MRGPRF: variants seen among roughly 807,000 people sequenced by gnomAD.
MRGPRF encodes MAS related GPR family member F, also known as mas-related G protein-coupled receptor member F.
In MRGPRF, 2 loss-of-function variants were observed where a neutral mutation model predicts 3.3. The observed-to-expected ratio is 0.61, with a 90% confidence interval of 0.25 to 1.92. MRGPRF has a LOEUF of 1.92. Among genes scored for constraint, MRGPRF ranks in the 40% most tolerant of loss-of-function variants. MRGPRF has a pLI of 0.16. For missense variants in MRGPRF, 500 were observed against 476.0 expected (o/e 1.05, Z -0.47); for synonymous variants, 242 against 222.7 (o/e 1.09, Z -0.77).
At chr11:69,006,623 T>G (rs1189792895) in intron 2 of MRGPRF, among the ~76,000 whole-genome samples, 1 of 142,648 alleles carries the variant, frequency 7.0e-6, no homozygotes, top group African/African-American at 2.7e-5. Context: ...CTTTCCCTTT[T>G]TTTTTTTTTT....
At chr11:69,013,434 G>C (rs1860649388), upstream of MRGPRF, 1 of 152,440 alleles carries the variant, frequency 6.6e-6, no homozygotes, top group Non-Finnish European at 1.5e-5. Flanking sequence ...CGTCACGTTG[G>C]CCCGAGCACT....
Position 69,005,593 on chromosome 11 carries a change from G to T in MRGPRF, c.717C>A (p.His239Gln). The T allele has an allele frequency of 6.3e-7, 1 of 1,577,770 alleles. No individual in the cohort carries two copies. Among genetic ancestry groups the T allele is most frequent in the East Asian group, 2.4e-5 (1 of 42,504 alleles). ...RRRQRSAKLN[H>Q]VILAMVSVFL... is the part of the protein sequence containing the mutation. ...AGACGGAGACCATGGCCAGGATGACGTGGTTGAGCTTGGCAGAGCGCTGGC... is the reference window on the plus strand; with the variant it reads ...AGACGGAGACCATGGCCAGGATGACTTGGTTGAGCTTGGCAGAGCGCTGGC... The change falls in exon 3 of 3, where the codon CAC (histidine) becomes CAA (glutamine). Residue 239 changes from histidine (H) to glutamine (Q), a missense_variant. Physicochemically the swap from His to Gln is conservative, Grantham distance 24 (BLOSUM62 0). Coordinates refer to ENST00000309099, the MANE Select transcript of MRGPRF (RefSeq NM_145015.5).
At chr11:69,010,743 C>T (rs1173515214) in intron 1 of MRGPRF, among the ~76,000 whole-genome samples, 2 of 152,094 alleles carry the variant, frequency 1.3e-5, no homozygotes, top group Non-Finnish European at 2.9e-5. Context: ...GAAGCTGCAC[C>T]CACCCTAGGG....
In MRGPRF at chr11:69,006,058, G is replaced by T. The variant is rs1182418684; in HGVS notation, c.252C>A (p.His84Gln). Residue 84 changes from histidine (H) to glutamine (Q), a missense_variant, in exon 3 of 3, where the codon CAC (histidine) becomes CAA (glutamine). By Grantham distance (24) the His-to-Gln change is conservative. Coordinates refer to ENST00000309099, the MANE Select transcript of MRGPRF (RefSeq NM_145015.5). ...KRNPFSIYFL[H>Q]LASADVGYLF... ...GGTAGCCCACATCGGCGCTGGCCAGGTGCAGGAAGTAGATGGAGAAGGGGT... is the reference window on the plus strand; with the variant it reads ...GGTAGCCCACATCGGCGCTGGCCAGTTGCAGGAAGTAGATGGAGAAGGGGT... 1 of 1,596,272 alleles carries T rather than the reference G, an allele frequency of 6.3e-7. No individual in the cohort carries two copies. The highest frequency in any genetic ancestry group is 1.1e-5 in the South Asian group (1 of 88,678).
At chr11:69,006,342 AG>A (rs57545280) in intron 2 of MRGPRF, 81 bp from the exon 3 acceptor site, 821,139 of 1,268,626 alleles carry the variant, frequency 0.65, 255,282 homozygotes, top group Admixed American at 0.76. Context: ...AGCGTGGGGG[AG>A]GGGGGGGGTC....
At chr11:69,007,487 C>T (rs539615016) in intron 2 of MRGPRF, among the ~76,000 whole-genome samples, 1 of 152,302 alleles carries the variant, frequency 6.6e-6, no homozygotes, top group East Asian at 1.9e-4. Context: ...GGATTAGAGG[C>T]GTGAGCCACC....
rs58437286 is a variant in MRGPRF, at chr11:69,006,607, C to G, written c.49-346G>C. ...AACGTCCAAGTCGCACAAAAAACTG[C>G]AGAGCCTTTCCCTTTTTTTTTTTTT... is the stretch of plus-strand genomic sequence containing the variant. On this transcript the variant is annotated intron_variant, in intron 2 of 2. Transcript: ENST00000309099. Among the ~76,000 whole-genome samples the G allele has an allele frequency of 3.6e-3, 529 of 148,614 alleles. 3 individuals carry two copies. Among genetic ancestry groups the G allele is most frequent in the African/African-American group, 0.012 (497 of 40,188 alleles).
chr11:69,010,773 G>A (rs1312669830), intron 1 of MRGPRF, among the ~76,000 whole-genome samples: 3 of 152,080 alleles, frequency 2.0e-5, no homozygotes, highest in Non-Finnish European at 4.4e-5. Flanking sequence ...GGAGGCCTGG[G>A]GTAGGGGGTG....
chr11:69,008,591 G>A (rs943899253), intron 2 of MRGPRF, among the ~76,000 whole-genome samples: 9 of 152,192 alleles, frequency 5.9e-5, no homozygotes, highest in Non-Finnish European at 1.0e-4. Flanking sequence ...TGAGGTCAGG[G>A]CAAGCACTGT....
Position 69,005,279 on chromosome 11 carries a change from C to T in MRGPRF, c.1031G>A (p.Ter344=). 3 of 1,490,532 alleles carry T rather than the reference C, an allele frequency of 2.0e-6. No individual in the cohort carries two copies. The highest frequency in any genetic ancestry group is 2.7e-6 in the Non-Finnish European group (3 of 1,124,854). The allele number at this position is 1,490,532 out of a possible 1,614,324, so 92.3% of individuals were successfully genotyped here. ...EMQCPPGNAS[*] The stretch of plus-strand genomic sequence containing the variant: ...CTGCCTCCTCCAGGCGCTGGAGTCT[C>T]AGGAGGCGTTCCCCGGGGGACACTG... Residue 344 remains the stop codon, a stop_retained_variant, in exon 3 of 3, where the codon TGA becomes TAA. Transcript: ENST00000309099.
intron 2 of MRGPRF, chr11:69,009,378 G>A: frequency 2.3e-6 from 1 of 428,882 alleles, no homozygotes; most frequent in Non-Finnish European, 4.1e-6. Flanking sequence ...GGTTGTCAGA[G>A]TCTCAGGGTG....
At chr11:69,012,309 C>G (rs1860614384) in intron 1 of MRGPRF, 2 of 152,112 alleles carry the variant, frequency 1.3e-5, no homozygotes, top group Non-Finnish European at 2.9e-5. Flanking sequence ...CATGACCCAG[C>G]CCCGACGCCG....
Position 69,009,913 on chromosome 11 carries a change from G to T in MRGPRF, c.-12C>A. The stretch of plus-strand genomic sequence containing the variant: ...CAGTTTCCAGCCATCTCCAGGCCTG[G>T]CGCGTCTGGGCCCCTGCTGGCAGCT... On this transcript the variant is annotated 5_prime_UTR_variant, in exon 2 of 3. Coordinates refer to ENST00000309099, the MANE Select transcript of MRGPRF (RefSeq NM_145015.5). 1 of 1,600,802 alleles carries T rather than the reference G, an allele frequency of 6.2e-7. No individual in the cohort carries two copies. Among genetic ancestry groups the T allele is most frequent in the Non-Finnish European group, 8.5e-7 (1 of 1,176,910 alleles).
At chr11:69,009,188 T>C (rs1237078220) in intron 2 of MRGPRF, among the ~76,000 whole-genome samples, 2 of 152,228 alleles carry the variant, frequency 1.3e-5, no homozygotes, top group Non-Finnish European at 2.9e-5. Context: ...ACCCAGGGGC[T>C]GATCCCAGTC....
chr11:69,011,822 G>A (rs1860603358), intron 1 of MRGPRF, among the ~76,000 whole-genome samples: 1 of 152,126 alleles, frequency 6.6e-6, no homozygotes, highest in Non-Finnish European at 1.5e-5. Context: ...CCCTGGCCAG[G>A]CTAGACCCCA....
Position 69,006,184 on chromosome 11 carries a change from C to T in MRGPRF, c.126G>A (p.Pro42=). ...FLTIEQIAML[P]PPAVMNYIFL... is the part of the protein sequence containing the mutation. ...AGATGTAGTTCATGACGGCCGGAGGCGGCAGCATCGCGATCTGCTCGATGG... is the reference window on the plus strand; with the variant it reads ...AGATGTAGTTCATGACGGCCGGAGGTGGCAGCATCGCGATCTGCTCGATGG... The change falls in exon 3 of 3, where the codon CCG becomes CCA. Residue 42 remains proline (P), a synonymous_variant. Coordinates refer to ENST00000309099, the MANE Select transcript of MRGPRF (RefSeq NM_145015.5). 3.1e-6 allele frequency: 5 copies of T among 1,613,890 alleles called. No homozygotes were observed. Among genetic ancestry groups the T allele is most frequent in the Non-Finnish European group, 3.4e-6 (4 of 1,180,038 alleles).
chr11:69,011,048 A>G (rs1860585142), intron 1 of MRGPRF, among the ~76,000 whole-genome samples: 1 of 152,046 alleles, frequency 6.6e-6, no homozygotes, highest in Non-Finnish European at 1.5e-5. Context: ...TCCTCTCCCA[A>G]GGGGAGAGCT....
At chr11:69,008,192 T>A (rs1431229639) in intron 2 of MRGPRF, among the ~76,000 whole-genome samples, 1 of 152,108 alleles carries the variant, frequency 6.6e-6, no homozygotes, top group Non-Finnish European at 1.5e-5. Flanking sequence ...AATGTTAACA[T>A]TTAAACATGC....
rs1860446535 is a variant in MRGPRF at position 69,005,292 on chromosome 11, C to T, written c.1018G>A (p.Gly340Arg). ...TVTMEMQCPP[G>R]NAS Reference sequence around the variant, plus strand: ...GCGCTGGAGTCTCAGGAGGCGTTCCCCGGGGGACACTGCATCTCCATGGTG... The same window carrying T: ...GCGCTGGAGTCTCAGGAGGCGTTCCTCGGGGGACACTGCATCTCCATGGTG... Residue 340 changes from glycine to arginine, a missense_variant, in exon 3 of 3, where the codon GGG (glycine) becomes AGG (arginine). By Grantham distance (125) the Gly-to-Arg change is moderately radical (BLOSUM62 -2). Transcript: ENST00000309099. The T allele has an allele frequency of 1.3e-6, 2 of 1,510,110 alleles. No individual in the cohort carries two copies. The highest frequency in any genetic ancestry group is 1.4e-5 in the African/African-American group (1 of 72,582). 93.5% of individuals were successfully genotyped at this position (1,510,110 alleles called of 1,614,324 possible).
Sources: gnomAD v4.1 joint callset for allele counts (sites outside exome capture counted in the v4.1 genomes callset) on GRCh38, gnomAD v4.1.1 for gene constraint, MANE v1.5 for transcripts, NCBI Gene and HGNC (gene_info 2026-07-23, HGNC 2026-07-21) for gene names.